Variants in NCAM1 observed in about 807,000 individuals in gnomAD.
NCAM1 encodes antigen recognized by monoclonal antibody 5.1H11.
Under a neutral mutation model 109.8 loss-of-function variants are expected in NCAM1, and 14 were observed. That is an observed-to-expected ratio of 0.13 (90% CI 0.08 to 0.20). NCAM1 has a LOEUF of 0.20. NCAM1 is among the 10% of genes least tolerant of loss of function. The pLI is 1.00. For missense variants in NCAM1, 774 were observed against 1,109.9 expected, an observed-to-expected ratio of 0.70 and a Z score of 4.30; for synonymous variants, 418 against 442.9, an observed-to-expected ratio of 0.94 and a Z score of 0.70.
At chr11:113,263,052 GAGA>G (rs1946053195) in intron 17 of NCAM1, 1 of 1,442,874 alleles carries the variant, frequency 6.9e-7, no homozygotes, top group South Asian at 1.5e-5. Context: ...CTGTGTGGAA[GAGA>G]AGGTTTTGTG....
At chr11:112,971,517 A>G (rs1335125208) in intron 1 of NCAM1, among the ~76,000 whole-genome samples, 1 of 152,130 alleles carries the variant, frequency 6.6e-6, no homozygotes, top group Non-Finnish European at 1.5e-5. Context: ...CAGGGTGTGA[A>G]AAAAACAAAA....
intron 1 of NCAM1, among the ~76,000 whole-genome samples, chr11:113,171,822 G>A (rs1314152768): frequency 1.3e-5 from 2 of 152,144 alleles, no homozygotes; most frequent in East Asian, 3.9e-4. Context: ...CTAATCCCTA[G>A]TACCTCAGAA....
At chr11:113,031,098 C>T (rs1952699500) in intron 1 of NCAM1, among the ~76,000 whole-genome samples, 1 of 152,132 alleles carries the variant, frequency 6.6e-6, no homozygotes, top group African/African-American at 2.4e-5. Context: ...GAGCCTCTGG[C>T]CACAATATTT....
chr11:113,266,479 G>A (rs956542564), intron 17 of NCAM1, among the ~76,000 whole-genome samples: 4 of 152,194 alleles, frequency 2.6e-5, no homozygotes, highest in Non-Finnish European at 5.9e-5. Context: ...GTCACTGGGT[G>A]AGACAGCACA....
Position 113,273,788 on chromosome 11 carries a change from T to C in NCAM1, c.2457-1479T>C. On this transcript the variant is annotated intron_variant, in intron 19 of 19. Transcript: ENST00000316851. This position sits in a 1 kb window ranked among gnomAD's most constrained non-coding sequence, Gnocchi z 6.0. ...TGTCTGCTGTCATCGGGTTGTGTCC[T>C]GTGGTGGTGTGCATTTGTGCTGTGC... 5.1e-6 allele frequency: 2 copies of C among 395,800 alleles called. No individual in the cohort carries two copies. Among genetic ancestry groups the C allele is most frequent in the Middle Eastern group, 3.6e-4 (1 of 2,770 alleles). The allele number at this position is 395,800 out of a possible 1,614,324, so 24.5% of individuals were successfully genotyped here. A position where few individuals can be genotyped will look rare whatever the true frequency, so the allele number is the denominator to read the frequency against.
chr11:113,081,546 T>C (rs1294459112), intron 1 of NCAM1, among the ~76,000 whole-genome samples: 1 of 138,890 alleles, frequency 7.2e-6, no homozygotes, highest in Non-Finnish European at 1.6e-5. Flanking sequence ...TCTTTTCTTT[T>C]TTTCTTTTTT....
At chr11:113,207,528 T>A in intron 6 of NCAM1, 150 bp downstream of exon 6, 1 of 718,182 alleles carries the variant, frequency 1.4e-6, no homozygotes, top group South Asian at 1.9e-5. Flanking sequence ...TATAAGATTC[T>A]CTTGCTTGTG....
intron 1 of NCAM1, among the ~76,000 whole-genome samples, chr11:112,965,239 T>G (rs1555065029): frequency 6.7e-6 from 1 of 148,180 alleles, no homozygotes; most frequent in Non-Finnish European, 1.5e-5. Flanking sequence ...AGATAGTAAT[T>G]GCAAAGAAAA....
At chr11:113,236,265 T>G in intron 14 of NCAM1, 2 of 1,612,448 alleles carry the variant, frequency 1.2e-6, no homozygotes, top group Non-Finnish European at 1.7e-6. Context: ...CTCTTGTTTT[T>G]TCTTTTCGTC....
chr11:112,970,695 T>C (rs1481703528), intron 1 of NCAM1, among the ~76,000 whole-genome samples: 2 of 152,230 alleles, frequency 1.3e-5, no homozygotes, highest in African/African-American at 4.8e-5. Flanking sequence ...GCTATACATT[T>C]TATTAGTAGA....
At chr11:113,164,403 A>G (rs1942709424) in intron 1 of NCAM1, among the ~76,000 whole-genome samples, 1 of 152,138 alleles carries the variant, frequency 6.6e-6, no homozygotes, top group Non-Finnish European at 1.5e-5. Flanking sequence ...CTGGAGTTAG[A>G]GTCAGATCCC....
chr11:113,250,731 C>T (rs1945651627), intron 15 of NCAM1, among the ~76,000 whole-genome samples: 3 of 152,212 alleles, frequency 2.0e-5, no homozygotes, highest in African/African-American at 7.2e-5. Context: ...ACACCTGAAA[C>T]TTTGTGCAGA....
chr11:113,218,545 C>A (rs374781138), intron 8 of NCAM1, among the ~76,000 whole-genome samples: 1 of 152,048 alleles, frequency 6.6e-6, no homozygotes, highest in African/African-American at 2.4e-5. Context: ...AATGGAATAC[C>A]AATGTTCTTG....
intron 1 of NCAM1, among the ~76,000 whole-genome samples, chr11:113,012,672 G>A (rs1238888447): frequency 6.6e-6 from 1 of 152,314 alleles, no homozygotes; most frequent in Non-Finnish European, 1.5e-5. Flanking sequence ...GTCTTTGCCT[G>A]TGTTGTTTCC....
At chr11:113,169,544 A>C (rs1405340848) in intron 1 of NCAM1, among the ~76,000 whole-genome samples, 2 of 151,626 alleles carry the variant, frequency 1.3e-5, no homozygotes, top group Non-Finnish European at 2.9e-5. Context: ...GTAAGATGAC[A>C]GTTGGTTCTA....
chr11:113,105,561 A>G (rs1400277702), intron 1 of NCAM1, among the ~76,000 whole-genome samples: 1 of 152,244 alleles, frequency 6.6e-6, no homozygotes, highest in African/African-American at 2.4e-5. Context: ...ATATATTCGT[A>G]CATTGAATAT....
chr11:113,034,945 G>A (rs558248081), intron 1 of NCAM1, among the ~76,000 whole-genome samples: 2 of 152,166 alleles, frequency 1.3e-5, no homozygotes, highest in East Asian at 1.9e-4. Flanking sequence ...TGGAATCTAC[G>A]TTAAGAAGAC....
intron 1 of NCAM1, among the ~76,000 whole-genome samples, chr11:113,117,122 T>C (rs1940746949): frequency 6.6e-6 from 1 of 151,982 alleles, no homozygotes; most frequent in African/African-American, 2.4e-5. Flanking sequence ...CATTAATATC[T>C]TTTTCCTAAT....
At chr11:113,137,018 G>A (rs1378915072) in intron 1 of NCAM1, among the ~76,000 whole-genome samples, 2 of 152,198 alleles carry the variant, frequency 1.3e-5, no homozygotes, top group Non-Finnish European at 2.9e-5. Flanking sequence ...TATGCTTAGA[G>A]AGAGTCACGT....
Sources: gnomAD v4.1 joint callset for allele counts (sites outside exome capture counted in the v4.1 genomes callset) on GRCh38, gnomAD v4.1.1 for gene constraint, Gnocchi (gnomAD v3.1) non-coding constraint, MANE v1.5 for transcripts, NCBI Gene and HGNC (gene_info 2026-07-23, HGNC 2026-07-21) for gene names.